TLN2: variants seen among roughly 807,000 people sequenced by gnomAD.
TLN2 encodes talin 2, also known as talin-2.
A neutral mutation model predicts 294.7 loss-of-function variants in TLN2; 118 were observed. The ratio of observed to expected loss-of-function variants is 0.40; its 90% CI spans 0.34 to 0.47. The LOEUF is 0.47. Ranked by LOEUF, TLN2 falls within the 20% of genes least tolerant of loss-of-function variation. The pLI is 0.84. For synonymous variants in TLN2, 1,431 were observed against 1,304.5 expected, an observed-to-expected ratio of 1.10 and a Z score of -2.09; for missense variants, 3,083 against 3,282.2, an observed-to-expected ratio of 0.94 and a Z score of 1.48.
At chr15:62,651,211 T>C (rs1309114292) in intron 5 of TLN2, among the ~76,000 whole-genome samples, 1 of 152,166 alleles carries the variant, frequency 6.6e-6, no homozygotes, top group African/African-American at 2.4e-5. Context: ...AGCAGATCAT[T>C]CTCAGCCTTG....
intron 1 of TLN2, among the ~76,000 whole-genome samples, chr15:62,398,280 A>G (rs976508197): frequency 9.2e-5 from 14 of 152,206 alleles, no homozygotes; most frequent in African/African-American, 3.4e-4. Flanking sequence ...TCATGTGAAG[A>G]AGGATGTGTT....
rs137913924 is a variant in TLN2, at chr15:62,732,609, C to G, written c.3359-4269C>G. On this transcript the variant is annotated intron_variant, in intron 28 of 58. Coordinates refer to ENST00000636159, the MANE Select transcript of TLN2 (RefSeq NM_015059.3). ...ATTGCTTTTTGTATAGGTCGCCCTT[C>G]CTCCTGTGTGTAGAATGGATTGGAC... Among the ~76,000 whole-genome samples, 21 of 152,316 alleles carry G rather than the reference C, an allele frequency of 1.4e-4. No individual in the cohort carries two copies. The East Asian group carries it at 3.7e-3, about 27-fold the overall frequency.
At chr15:62,582,247 C>CACACACACACACACAAACA in intron 1 of TLN2, among the ~76,000 whole-genome samples, 1 of 103,212 alleles carries the variant, frequency 9.7e-6, no homozygotes, top group African/African-American at 3.6e-5. Context: ...CACACACACA[C>CACACACACACACACAAACA]ATTCATGCCT....
At chr15:62,684,299 T>C (rs1441733119) in intron 11 of TLN2, among the ~76,000 whole-genome samples, 1 of 152,216 alleles carries the variant, frequency 6.6e-6, no homozygotes, top group African/African-American at 2.4e-5. Flanking sequence ...TCCAGTCCCC[T>C]TCCTGGGTCC....
intron 54 of TLN2, 112 bp from the exon 55 acceptor site, chr15:62,833,392 A>T: frequency 6.7e-7 from 1 of 1,483,964 alleles, no homozygotes; most frequent in Non-Finnish European, 9.1e-7. Flanking sequence ...TGGTTTGTCA[A>T]CAAAAAACAA....
intron 28 of TLN2, among the ~76,000 whole-genome samples, chr15:62,735,691 A>G (rs1487796501): frequency 6.6e-6 from 1 of 152,204 alleles, no homozygotes; most frequent in African/African-American, 2.4e-5. Flanking sequence ...CTAAAGCTAA[A>G]TATATACTTA....
Position 62,755,550 on chromosome 15 carries a change from A to G in TLN2, c.4495A>G (p.Ile1499Val), listed in dbSNP as rs1239388980. 5.0e-6 allele frequency: 8 copies of G among 1,614,202 alleles called. No homozygotes were observed. The highest frequency in any genetic ancestry group is 5.9e-6 in the Non-Finnish European group (7 of 1,180,030). The stretch of plus-strand genomic sequence containing the variant: ...TTTGTAGGTCCTGTCAGCCGCCACA[A>G]TTGTTGCCAAGCACACGTCAGCCTT... The part of the protein sequence containing the change: ...SPSQVLSAAT[I>V]VAKHTSALCN... Residue 1499 changes from isoleucine (I) to valine (V), a missense_variant, in exon 37 of 59, where the codon ATT becomes GTT. Ile to Val is a conservative substitution (Grantham distance 29). Transcript: ENST00000636159.
chr15:62,426,625 G>T (rs1425628489), intron 1 of TLN2, among the ~76,000 whole-genome samples: 2 of 152,378 alleles, frequency 1.3e-5, no homozygotes, highest in African/African-American at 4.8e-5. Context: ...CTCCTAGTCA[G>T]ATCACTGGGG....
Position 62,686,734 on chromosome 15 carries a change from C to G in TLN2, c.1051C>G (p.Leu351Val). ...MRVDEKTKEV[L>V]QEWPLTTVKR... Reference sequence around the variant, plus strand: ...CGTGGATGAGAAGACCAAGGAAGTGCTGCAGGAGTGGCCCCTCACCACCGT... The same window carrying G: ...CGTGGATGAGAAGACCAAGGAAGTGGTGCAGGAGTGGCCCCTCACCACCGT... The change falls in exon 12 of 59, where the codon CTG becomes GTG. Residue 351 changes from leucine (L) to valine (V), a missense_variant. Coordinates refer to ENST00000636159, the MANE Select transcript of TLN2 (RefSeq NM_015059.3). 6.2e-7 allele frequency: 1 copy of G among 1,613,888 alleles called. No homozygotes were observed. Among genetic ancestry groups the G allele is most frequent in the East Asian group, 2.2e-5 (1 of 44,866 alleles).
chr15:62,783,802 T>A lies in TLN2; in HGVS notation c.5648T>A (p.Leu1883Ter). Residue 1883 changes from leucine (L) to a stop codon, truncating the protein, a stop_gained, in exon 45 of 59, where the codon TTG becomes TAG. Coordinates refer to ENST00000636159, the MANE Select transcript of TLN2 (RefSeq NM_015059.3). LOFTEE classifies it high-confidence loss of function. ...AAGTCGGTTACTAACCCGGAGGAGTTGGGAGGACTGGCTTCACAAATGACC... is the reference window on the plus strand; with the variant it reads ...AAGTCGGTTACTAACCCGGAGGAGTAGGGAGGACTGGCTTCACAAATGACC... Reference protein sequence around the residue: ...MTKSVTNPEELGGLASQMTSD... With the variant: ...MTKSVTNPEE The A allele has an allele frequency of 6.2e-7, 1 of 1,610,470 alleles. No individual in the cohort carries two copies. The highest frequency in any genetic ancestry group is 8.5e-7 in the Non-Finnish European group (1 of 1,176,936).
chr15:62,684,240 AG>A (rs1420662468), intron 11 of TLN2: 2 of 152,246 alleles, frequency 1.3e-5, no homozygotes, highest in Non-Finnish European at 2.9e-5. Context: ...ACTGGGGAAC[AG>A]TGCAGATGGG....
At chr15:62,835,437 C>T in intron 55 of TLN2, 3 of 472,520 alleles carry the variant, frequency 6.3e-6, no homozygotes, top group Non-Finnish European at 1.2e-5. Flanking sequence ...AGAAAGACAG[C>T]CCCAGGTCAT....
intron 44 of TLN2, among the ~76,000 whole-genome samples, chr15:62,783,216 C>G (rs368639557): frequency 2.0e-5 from 3 of 152,242 alleles, no homozygotes; most frequent in African/African-American, 7.2e-5. Context: ...CTCTAAAACA[C>G]TGACTTATCC....
chr15:62,542,512 A>G (rs547033899), intron 1 of TLN2, among the ~76,000 whole-genome samples: 1 of 152,218 alleles, frequency 6.6e-6, no homozygotes, highest in Non-Finnish European at 1.5e-5. Context: ...TTCAGACCAC[A>G]ATTGACTGCA....
intron 1 of TLN2, among the ~76,000 whole-genome samples, chr15:62,555,104 A>T (rs1483642318): frequency 6.6e-6 from 1 of 152,172 alleles, no homozygotes; most frequent in African/African-American, 2.4e-5. Context: ...GCAGGTATTC[A>T]GATAGTCATC....
chr15:62,788,546 C>CA (rs1363855429), intron 45 of TLN2, among the ~76,000 whole-genome samples: 1 of 152,164 alleles, frequency 6.6e-6, no homozygotes, highest in African/African-American at 2.4e-5. Context: ...AGTGAGATAA[C>CA]AATCTTTTTT....
At chr15:62,781,941 T>TA (rs2064211189) in intron 44 of TLN2, among the ~76,000 whole-genome samples, 1 of 152,216 alleles carries the variant, frequency 6.6e-6, no homozygotes, top group African/African-American at 2.4e-5. Flanking sequence ...GTTAAGCAGT[T>TA]ATACGAAAGA....
intron 1 of TLN2, among the ~76,000 whole-genome samples, chr15:62,414,330 G>T (rs1264318393): frequency 7.3e-6 from 1 of 137,130 alleles, no homozygotes; most frequent in Non-Finnish European, 1.5e-5. Context: ...GTTCCAAGGG[G>T]ATTGTGTTTG....
At chr15:62,541,481 A>AC (rs1473482258) in intron 1 of TLN2, among the ~76,000 whole-genome samples, 22 of 152,240 alleles carry the variant, frequency 1.4e-4, no homozygotes, top group African/African-American at 5.1e-4. Context: ...TCCCAAGGAC[A>AC]CTGCCTGTGT....
Sources: allele counts gnomAD v4.1 joint callset (sites outside exome capture counted in the v4.1 genomes callset), GRCh38; gene constraint gnomAD v4.1.1; transcripts MANE v1.5; gene names NCBI Gene and HGNC (gene_info 2026-07-23, HGNC 2026-07-21).